SPTA1: variants seen among roughly 807,000 people sequenced by gnomAD.
The protein encoded by SPTA1 is spectrin alpha chain, erythrocytic 1.
SPTA1 carries 177 observed loss-of-function variants against 324.7 expected under a neutral mutation model. The observed-to-expected ratio is 0.55, with a 90% CI of 0.48 to 0.62. The LOEUF is 0.62. Among genes scored for constraint, SPTA1 ranks in the 20% least tolerant of loss-of-function variants. The probability of loss-of-function intolerance (pLI) is 0.00; values close to 1 mark genes in which losing one functional copy is unlikely to be tolerated. For synonymous variants in SPTA1, 1,195 were observed against 1,041.3 expected (o/e 1.15, Z -2.84); for missense variants, 3,162 against 2,883.6 (o/e 1.10, Z -2.21).
At chr1:158,668,089 A>G (rs771093131) in intron 14 of SPTA1, 27 bp from the exon 15 acceptor site, 15 of 1,326,938 alleles carry the variant, frequency 1.1e-5, no homozygotes, top group Non-Finnish European at 1.6e-5. Context: ...AAAAAAAAAA[A>G]AACCATTACC....
chr1:158,651,367 C>G lies in SPTA1; in HGVS notation c.3477G>C (p.Gln1159His). The stretch of plus-strand genomic sequence containing the variant: ...GAGGAATGGAGGGAGCCTTAGTTAC[C>G]TGCCGGATTTGAGCTCCTTCTGGTG... ...LLTPEGAQIR[Q>H]ELNSRWGSLQ... Residue 1159 changes from glutamine (Q) to histidine (H), a missense_variant and splice_region_variant, in exon 24 of 52, where the codon CAG becomes CAC. By Grantham distance (24) the Gln-to-His change is conservative. Coordinates refer to ENST00000643759, the MANE Select transcript of SPTA1 (RefSeq NM_003126.4). 3.1e-6 allele frequency: 5 copies of G among 1,610,786 alleles called. No homozygotes were observed. The highest frequency in any genetic ancestry group is 4.2e-6 in the Non-Finnish European group (5 of 1,177,074).
intron 33 of SPTA1, among the ~76,000 whole-genome samples, chr1:158,640,243 T>C (rs113034172): frequency 5.3e-5 from 8 of 152,236 alleles, no homozygotes; most frequent in African/African-American, 1.9e-4. Flanking sequence ...GACATACAAA[T>C]GCCAAAAAAC....
chr1:158,670,517 G>C (rs1018306684), intron 12 of SPTA1, among the ~76,000 whole-genome samples: 2 of 152,174 alleles, frequency 1.3e-5, no homozygotes, highest in South Asian at 2.1e-4. Flanking sequence ...AGAAGACTAG[G>C]AATTTGCCTG....
At chr1:158,680,802 C>T (rs1416388444) in intron 4 of SPTA1, 73 bp from the exon 5 acceptor site, 2 of 1,588,376 alleles carry the variant, frequency 1.3e-6, no homozygotes, top group African/African-American at 1.3e-5. Context: ...CTCAAAACTC[C>T]TGCTTGCATT....
At position 158,642,950 on chromosome 1, in the gene SPTA1, A is replaced by G. The variant is rs772729881; in HGVS notation, c.4469T>C (p.Ile1490Thr). The change falls in exon 32 of 52, where the codon ATT (isoleucine) becomes ACT (threonine). Residue 1490 changes from isoleucine to threonine, a missense_variant. By Grantham distance (89) the Ile-to-Thr change is moderately conservative. Transcript: ENST00000643759. ...GTCTCCAAGCTTTGTCCGCTCATCA[A>G]TCAGTTGTGCTTTGAGAGCCTTCCA... ...DRWKALKAQLIDERTKLGDYA... is the reference protein window; with the variant it reads ...DRWKALKAQLTDERTKLGDYA... 5.6e-6 allele frequency: 9 copies of G among 1,613,532 alleles called. No homozygotes were observed. Among genetic ancestry groups the G allele is most frequent in the Admixed American group, 1.7e-5 (1 of 59,924 alleles).
At chr1:158,661,183 G>C in intron 18 of SPTA1, 104 bp downstream of exon 18, 1 of 1,564,180 alleles carries the variant, frequency 6.4e-7, no homozygotes, top group Non-Finnish European at 8.8e-7. Context: ...GGGAAAATGA[G>C]TCAGATATTT....
chr1:158,619,164 T>A (rs988120449), intron 45 of SPTA1, 58 bp downstream of exon 45: 3 of 1,488,092 alleles, frequency 2.0e-6, no homozygotes, highest in Non-Finnish European at 2.8e-6. Context: ...ATGTATTTCA[T>A]CCCTATGGCA....
chr1:158,643,801 T>G (rs1651791916), intron 30 of SPTA1, among the ~76,000 whole-genome samples: 1 of 152,084 alleles, frequency 6.6e-6, no homozygotes, highest in Admixed American at 6.6e-5. Flanking sequence ...CAATGTCAAG[T>G]GTCAAGCTGC....
rs376683493 is a variant in SPTA1, at chr1:158,635,037, A to G, written c.5433-362T>C. On this transcript the variant is annotated intron_variant, in intron 38 of 51. Coordinates refer to ENST00000643759, the MANE Select transcript of SPTA1 (RefSeq NM_003126.4). ...CTCTGAGCACTGCCTTCTTTCGTAT[A>G]TGATGAAGACACCACGAAGTGCCAG... Among the ~76,000 whole-genome samples, 6 of 152,186 alleles carry G rather than the reference A, an allele frequency of 3.9e-5. No individual in the cohort carries two copies. The South Asian group carries it at 1.0e-3, about 26-fold the overall frequency.
intron 16 of SPTA1, among the ~76,000 whole-genome samples, chr1:158,665,537 A>G (rs1331181622): frequency 6.6e-6 from 1 of 152,208 alleles, no homozygotes; most frequent in African/African-American, 2.4e-5. Flanking sequence ...GTGGATTTCC[A>G]TTGAAATCTC....
At chr1:158,654,880 A>G in intron 20 of SPTA1, 132 bp from the exon 21 acceptor site, 1 of 1,209,856 alleles carries the variant, frequency 8.3e-7, no homozygotes, top group Non-Finnish European at 1.2e-6. Flanking sequence ...ACGTGGCTGC[A>G]GAGATTAAAG....
chr1:158,617,734 C>G, intron 46 of SPTA1, 146 bp from the exon 47 acceptor site: 1 of 819,932 alleles, frequency 1.2e-6, no homozygotes. Context: ...CAAATTTTCA[C>G]AACCTTGCCA....
chr1:158,678,992 T>C (rs949268385), intron 5 of SPTA1, among the ~76,000 whole-genome samples: 1 of 152,170 alleles, frequency 6.6e-6, no homozygotes, highest in African/African-American at 2.4e-5. Flanking sequence ...TTCCCAGAAT[T>C]ATAGACACGT....
chr1:158,623,109 A>G lies in SPTA1; in HGVS notation c.5994T>C (p.Ala1998=). 1.2e-6 allele frequency: 2 copies of G among 1,614,144 alleles called. No homozygotes were observed. Among genetic ancestry groups the G allele is most frequent in the Non-Finnish European group, 1.7e-6 (2 of 1,180,024 alleles). Reference sequence around the variant, plus strand: ...CAATGGCTTTAGACTGGTTGTGTTGAGCAGAAATCAGTTTGTCCTTCAGGT... The same window carrying G: ...CAATGGCTTTAGACTGGTTGTGTTGGGCAGAAATCAGTTTGTCCTTCAGGT... ...ITDLKDKLIS[A]QHNQSKAIEE... Residue 1998 remains alanine, a synonymous_variant, in exon 43 of 52, where the codon GCT becomes GCC. Coordinates refer to ENST00000643759, the MANE Select transcript of SPTA1 (RefSeq NM_003126.4).
chr1:158,662,820 C>T lies in SPTA1; in HGVS notation c.2346G>A (p.Leu782=). The part of the protein sequence containing the change: ...VCRFEALKEP[L]ATRKKKLLDL... ...CTAAGAGCTTCTTCTTTCGGGTGGC[C>T]AGTGGCTCTTTCAGAGCTTCAAATC... The change falls in exon 17 of 52, where the codon CTG becomes CTA. Residue 782 remains leucine, a synonymous_variant. Coordinates refer to ENST00000643759, the MANE Select transcript of SPTA1 (RefSeq NM_003126.4). 3.1e-6 allele frequency: 5 copies of T among 1,614,030 alleles called. No individual in the cohort carries two copies. Among genetic ancestry groups the T allele is most frequent in the Non-Finnish European group, 3.4e-6 (4 of 1,179,966 alleles).
At chr1:158,620,739 T>C (rs766480773) in intron 43 of SPTA1, 61 of 364,498 alleles carry the variant, frequency 1.7e-4, no homozygotes, top group Non-Finnish European at 2.5e-4. Flanking sequence ...TCTAAAATTA[T>C]TTCAGTTTTA....
chr1:158,645,695 T>C, intron 27 of SPTA1, 101 bp from the exon 28 acceptor site: 2 of 1,257,676 alleles, frequency 1.6e-6, no homozygotes, highest in East Asian at 2.3e-5. Flanking sequence ...ATTTCCAGAA[T>C]AACATTTTTT....
chr1:158,650,571 T>C (rs1652347050), intron 24 of SPTA1, among the ~76,000 whole-genome samples: 1 of 152,202 alleles, frequency 6.6e-6, no homozygotes. Flanking sequence ...ATTCTCCTTC[T>C]TCAGCACGTT....
At chr1:158,636,544 T>C (rs1651086835) in intron 37 of SPTA1, 97 bp downstream of exon 37, 1 of 1,404,020 alleles carries the variant, frequency 7.1e-7, no homozygotes, top group Non-Finnish European at 1.0e-6. Context: ...CTTGACATCC[T>C]ATTTTCACGT....
Sources: allele counts gnomAD v4.1 joint callset (sites outside exome capture counted in the v4.1 genomes callset), GRCh38; gene constraint gnomAD v4.1.1; transcripts MANE v1.5; gene names NCBI Gene and HGNC (gene_info 2026-07-23, HGNC 2026-07-21).